Variants in SYNDIG1 observed in about 807,000 individuals in gnomAD.
SYNDIG1 encodes synapse differentiation-inducing gene protein 1.
Under a neutral mutation model 19.4 loss-of-function variants are expected in SYNDIG1, and 9 were observed. The ratio of observed to expected loss-of-function variants is 0.46; its 90% CI spans 0.28 to 0.81. SYNDIG1 has a LOEUF of 0.81. Ranked by LOEUF, SYNDIG1 falls within the 30% of genes least tolerant of loss-of-function variation. SYNDIG1 has a pLI of 0.12. For missense variants in SYNDIG1, 311 were observed against 343.3 expected, an observed-to-expected ratio of 0.91 and a Z score of 0.74; for synonymous variants, 141 against 145.9, an observed-to-expected ratio of 0.97 and a Z score of 0.24.
At chr20:24,573,213 A>G (rs935414853) in intron 2 of SYNDIG1, among the ~76,000 whole-genome samples, 1 of 152,236 alleles carries the variant, frequency 6.6e-6, no homozygotes, top group South Asian at 2.1e-4. Context: ...TCAACAGGCA[A>G]TGATAACTTG....
chr20:24,525,054 T>C (rs1486194531), intron 1 of SYNDIG1, among the ~76,000 whole-genome samples: 2 of 152,150 alleles, frequency 1.3e-5, no homozygotes, highest in African/African-American at 4.8e-5. Flanking sequence ...TTCCCTCTTC[T>C]CCTGCATCTC....
intron 3 of SYNDIG1, among the ~76,000 whole-genome samples, chr20:24,595,636 G>T (rs182987943): frequency 1.1e-3 from 166 of 152,218 alleles, no homozygotes; most frequent in African/African-American, 4.0e-3. Context: ...CTTTCCAGTT[G>T]CTAAGCTTTC....
At chr20:24,654,291 A>G (rs1165963841) in intron 3 of SYNDIG1, among the ~76,000 whole-genome samples, 1 of 152,166 alleles carries the variant, frequency 6.6e-6, no homozygotes, top group Non-Finnish European at 1.5e-5. Flanking sequence ...GGTGAGGGTC[A>G]GGGGAAGGAT....
intron 3 of SYNDIG1, among the ~76,000 whole-genome samples, chr20:24,602,639 C>G (rs1408660638): frequency 2.6e-5 from 4 of 152,214 alleles, no homozygotes; most frequent in Non-Finnish European, 5.9e-5. Context: ...GCCTGGTCCA[C>G]CCTTCTGAAT....
chr20:24,601,357 C>T (rs1474417186), intron 3 of SYNDIG1, among the ~76,000 whole-genome samples: 1 of 152,094 alleles, frequency 6.6e-6, no homozygotes, highest in Non-Finnish European at 1.5e-5. Context: ...TTTCTGTTCT[C>T]TGAACATTTA....
intron 2 of SYNDIG1, among the ~76,000 whole-genome samples, chr20:24,578,049 C>T (rs2058257975): frequency 6.6e-6 from 1 of 152,242 alleles, no homozygotes; most frequent in South Asian, 2.1e-4. Flanking sequence ...ATTCATTCAG[C>T]AAATGTGCGT....
intron 1 of SYNDIG1, among the ~76,000 whole-genome samples, chr20:24,529,353 ATGGTGGTGG>A (rs760336306): frequency 2.0e-5 from 3 of 151,834 alleles, no homozygotes; most frequent in African/African-American, 4.8e-5. Context: ...TCTGGTAGTG[ATGGTGGTGG>A]TGGTGGTGGT....
intron 1 of SYNDIG1, among the ~76,000 whole-genome samples, chr20:24,471,997 A>G (rs1452830846): frequency 2.0e-5 from 3 of 152,222 alleles, no homozygotes; most frequent in South Asian, 2.1e-4. Context: ...ACTTCAAAAA[A>G]ATAAAAAAAC....
chr20:24,591,461 G>T (rs867162169), intron 3 of SYNDIG1, among the ~76,000 whole-genome samples: 14 of 149,110 alleles, frequency 9.4e-5, no homozygotes, highest in East Asian at 2.0e-4. Flanking sequence ...TTTTTTTTTT[G>T]AAGAGTTTTG....
intron 3 of SYNDIG1, among the ~76,000 whole-genome samples, chr20:24,627,871 A>C (rs557290122): frequency 6.6e-6 from 1 of 152,264 alleles, no homozygotes; most frequent in African/African-American, 2.4e-5. Context: ...AGGTTGGAGA[A>C]TCAAGTGCTC....
intron 3 of SYNDIG1, among the ~76,000 whole-genome samples, chr20:24,592,165 A>G (rs2058521881): frequency 1.3e-5 from 2 of 152,208 alleles, no homozygotes; most frequent in South Asian, 4.1e-4. Context: ...AGTCAAGTAC[A>G]GGCTGTTCTT....
At chr20:24,605,114 G>C (rs2147143181) in intron 3 of SYNDIG1, among the ~76,000 whole-genome samples, 1 of 152,144 alleles carries the variant, frequency 6.6e-6, no homozygotes, top group Non-Finnish European at 1.5e-5. Flanking sequence ...AGAAAGTCCT[G>C]GCAAAGGGCA....
At chr20:24,513,815 T>C (rs1054015947) in intron 1 of SYNDIG1, among the ~76,000 whole-genome samples, 2 of 151,862 alleles carry the variant, frequency 1.3e-5, no homozygotes, top group African/African-American at 4.8e-5. Flanking sequence ...CTCCAAGACA[T>C]GTAATTGTCA....
At chr20:24,648,932 G>C (rs986991416) in intron 3 of SYNDIG1, among the ~76,000 whole-genome samples, 1 of 152,174 alleles carries the variant, frequency 6.6e-6, no homozygotes, top group Non-Finnish European at 1.5e-5. Flanking sequence ...GTTATATCTT[G>C]GATATATCCT....
chr20:24,584,728 C>T, intron 2 of SYNDIG1, 128 bp from the exon 3 acceptor site: 1 of 1,285,206 alleles, frequency 7.8e-7, no homozygotes, highest in Non-Finnish European at 1.1e-6. Context: ...CGAACAACGT[C>T]AGCAACTGCA....
chr20:24,497,676 G>A (rs926095577), intron 1 of SYNDIG1, among the ~76,000 whole-genome samples: 5 of 152,126 alleles, frequency 3.3e-5, no homozygotes, highest in African/African-American at 1.2e-4. Context: ...CGAACCTGGG[G>A]TCTCTGCCCA....
At chr20:24,529,967 A>ATGGTGGTGGTGACGGTAGTACTCCTGGTG (rs1568614666) in intron 1 of SYNDIG1, among the ~76,000 whole-genome samples, 1 of 1,922 alleles carries the variant, frequency 5.2e-4, no homozygotes. Flanking sequence ...TGTTGGGAAT[A>ATGGTGGTGGTGACGGTAGTACTCCTGGTG]ATGATGGTGA....
chr20:24,520,947 C>T (rs1343587134), intron 1 of SYNDIG1, among the ~76,000 whole-genome samples: 1 of 152,182 alleles, frequency 6.6e-6, no homozygotes, highest in Non-Finnish European at 1.5e-5. Flanking sequence ...CATCCTAAAC[C>T]AAGACCTTGT....
chr20:24,528,058 A>C (rs2146596939), intron 1 of SYNDIG1, among the ~76,000 whole-genome samples: 1 of 152,302 alleles, frequency 6.6e-6, no homozygotes, highest in Non-Finnish European at 1.5e-5. Flanking sequence ...TCCATGGAAG[A>C]GTGGTGATAT....
Sources: allele counts gnomAD v4.1 joint callset (sites outside exome capture counted in the v4.1 genomes callset), GRCh38; gene constraint gnomAD v4.1.1; transcripts MANE v1.5; gene names NCBI Gene and HGNC (gene_info 2026-07-23, HGNC 2026-07-21).